The following NEBL variants were observed in gnomAD, a reference collection of about 807,000 sequenced individuals.
NEBL encodes the protein LIM and SH3 protein 2.
In NEBL, 122 loss-of-function variants were observed where a neutral mutation model predicts 140.2. The observed-to-expected ratio is 0.87, with a 90% CI of 0.75 to 1.01. The LOEUF is 1.01. NEBL is among the 50% of genes least tolerant of loss of function. The pLI, the probability that NEBL is intolerant of heterozygous loss-of-function variation, is 0.00. For missense variants in NEBL, 1,365 were observed against 1,231.3 expected (o/e 1.11, Z -1.62); for synonymous variants, 436 against 398.9 (o/e 1.09, Z -1.11).
intron 11 of NEBL, among the ~76,000 whole-genome samples, chr10:20,850,064 A>C (rs960407645): frequency 4.6e-5 from 7 of 152,226 alleles, no homozygotes; most frequent in Non-Finnish European, 8.8e-5. Flanking sequence ...TTATGAACTC[A>C]TCATAGTTTT....
chr10:20,896,993 C>T lies in NEBL; in HGVS notation c.118G>A (p.Glu40Lys), dbSNP rs2131412463. 2 of 1,613,880 alleles carry T rather than the reference C, an allele frequency of 1.2e-6. No individual in the cohort carries two copies. Among genetic ancestry groups the T allele is most frequent in the Non-Finnish European group, 1.7e-6 (2 of 1,179,962 alleles). The change falls in exon 2 of 28, where the codon GAA (glutamate) becomes AAA (lysine). Residue 40 changes from glutamate to lysine, a missense_variant. Coordinates refer to ENST00000377122, the MANE Select transcript of NEBL (RefSeq NM_006393.3). ...AGTTCCGTGCATTTTCTGGCCAATT[C>T]CATGCTTAAGTCTTCAATAACAGGC... ...YKPVIEDLSMELARKCTELIS... is the reference protein window; with the variant it reads ...YKPVIEDLSMKLARKCTELIS...
chr10:21,246,700 G>T (rs553530674), intron 3 of NEBL, among the ~76,000 whole-genome samples: 2 of 152,160 alleles, frequency 1.3e-5, no homozygotes, highest in African/African-American at 4.8e-5. Flanking sequence ...CGAGCGTGGT[G>T]GTGCATGCCT....
intron 3 of NEBL, among the ~76,000 whole-genome samples, chr10:20,999,556 A>G (rs1354866828): frequency 1.3e-5 from 2 of 152,322 alleles, no homozygotes; most frequent in East Asian, 3.9e-4. Flanking sequence ...CTGTGATTGC[A>G]TCAATGCACT....
At chr10:21,288,399 C>G (rs1435327707) in intron 1 of NEBL, among the ~76,000 whole-genome samples, 1 of 151,878 alleles carries the variant, frequency 6.6e-6, no homozygotes, top group Non-Finnish European at 1.5e-5. Context: ...ACCCAGGAGT[C>G]AGAGTTTGCA....
intron 3 of NEBL, among the ~76,000 whole-genome samples, chr10:21,204,096 A>T (rs898321327): frequency 6.6e-6 from 1 of 152,172 alleles, no homozygotes; most frequent in African/African-American, 2.4e-5. Context: ...AAAGTCAGGG[A>T]ACAGAAAAAT....
chr10:21,168,497 T>C (rs1840892440), intron 2 of NEBL, among the ~76,000 whole-genome samples: 1 of 152,134 alleles, frequency 6.6e-6, no homozygotes, highest in Admixed American at 6.5e-5. Context: ...TCATAACAGC[T>C]AAATGTAAAG....
At chr10:20,987,961 C>T (rs575885092) in intron 3 of NEBL, among the ~76,000 whole-genome samples, 7 of 152,300 alleles carry the variant, frequency 4.6e-5, no homozygotes, top group African/African-American at 7.2e-5. Flanking sequence ...TGGTTACTTC[C>T]TTATGAGATG....
chr10:20,889,781 A>C, intron 3 of NEBL, 64 bp downstream of exon 3: 1 of 974,016 alleles, frequency 1.0e-6, no homozygotes, highest in Non-Finnish European at 1.7e-6. Flanking sequence ...TAATGCACAG[A>C]CTTTCATCTA....
intron 2 of NEBL, among the ~76,000 whole-genome samples, chr10:21,151,845 T>C (rs529330847): frequency 6.6e-6 from 1 of 152,310 alleles, no homozygotes; most frequent in South Asian, 2.1e-4. Flanking sequence ...GTGAAACTTA[T>C]CTCTTCCCCT....
chr10:20,909,377 T>C (rs1236128666), intron 4 of NEBL, among the ~76,000 whole-genome samples: 1 of 152,054 alleles, frequency 6.6e-6, no homozygotes, highest in Admixed American at 6.6e-5. Context: ...TTAGATTCTA[T>C]AAATAAGTGA....
chr10:20,962,250 T>C (rs1836086799), intron 3 of NEBL, among the ~76,000 whole-genome samples: 1 of 152,252 alleles, frequency 6.6e-6, no homozygotes, highest in African/African-American at 2.4e-5. Flanking sequence ...AGCCTCATTT[T>C]GAGCCTAAAC....
At chr10:20,792,116 C>T (rs1338867615) in intron 26 of NEBL, among the ~76,000 whole-genome samples, 1 of 116,628 alleles carries the variant, frequency 8.6e-6, no homozygotes, top group East Asian at 2.8e-4. Flanking sequence ...TGGCCAAATT[C>T]CAAATAGAAA....
chr10:21,084,170 G>A (rs1836510823), intron 2 of NEBL, among the ~76,000 whole-genome samples: 1 of 152,240 alleles, frequency 6.6e-6, no homozygotes, highest in African/African-American at 2.4e-5. Context: ...AGAGATGGGA[G>A]TGGCTTTGAG....
chr10:21,026,025 G>A (rs751843009), intron 2 of NEBL, among the ~76,000 whole-genome samples: 75 of 152,036 alleles, frequency 4.9e-4, no homozygotes, highest in Middle Eastern at 3.4e-3. Flanking sequence ...CTATATAGTC[G>A]GAATAAAATA....
At chr10:20,912,877 A>C (rs2131469147) in intron 4 of NEBL, among the ~76,000 whole-genome samples, 1 of 138,952 alleles carries the variant, frequency 7.2e-6, no homozygotes, top group African/African-American at 2.7e-5. Context: ...ATAGTATGCC[A>C]ATTCTTTTTT....
chr10:21,072,453 G>A (rs144640791), intron 2 of NEBL, among the ~76,000 whole-genome samples: 126 of 152,332 alleles, frequency 8.3e-4, no homozygotes, highest in African/African-American at 2.9e-3. Flanking sequence ...GCCACTACAT[G>A]AGAGGTGCCA....
intron 3 of NEBL, among the ~76,000 whole-genome samples, chr10:20,997,256 A>G (rs976637156): frequency 6.6e-6 from 1 of 152,158 alleles, no homozygotes; most frequent in African/African-American, 2.4e-5. Flanking sequence ...TAATGGGATC[A>G]GCAGGCTCCC....
At chr10:21,209,621 A>G (rs1589329755) in intron 3 of NEBL, among the ~76,000 whole-genome samples, 2 of 147,766 alleles carry the variant, frequency 1.4e-5, no homozygotes. Flanking sequence ...AGTTTCTCCT[A>G]TCTCCTGATA....
intron 2 of NEBL, among the ~76,000 whole-genome samples, chr10:21,096,749 A>G (rs1403983044): frequency 2.6e-5 from 4 of 152,150 alleles, no homozygotes; most frequent in Non-Finnish European, 4.4e-5. Flanking sequence ...TCCTGGTCTC[A>G]AGCAATCCTC....
Sources: allele counts gnomAD v4.1 joint callset (sites outside exome capture counted in the v4.1 genomes callset), GRCh38; gene constraint gnomAD v4.1.1; transcripts MANE v1.5; gene names NCBI Gene and HGNC (gene_info 2026-07-23, HGNC 2026-07-21).